Variants in PPM1B observed in about 807,000 individuals in gnomAD.
PPM1B encodes protein phosphatase 1B.
PPM1B carries 22 observed loss-of-function variants against 43.0 expected under a neutral mutation model. The ratio of observed to expected loss-of-function variants is 0.51; its 90% confidence interval spans 0.37 to 0.73. The LOEUF (loss-of-function observed/expected upper bound fraction) is 0.73, where lower values mean the gene tolerates loss of function less well. Ranked by LOEUF, PPM1B falls within the 30% of genes least tolerant of loss-of-function variation. The pLI is 0.00. For synonymous variants in PPM1B, 217 were observed against 197.9 expected (o/e 1.10, Z -0.81); for missense variants, 632 against 584.2 (o/e 1.08, Z -0.84).
At chr2:44,171,829 C>CAAAAA (rs58214419) in intron 1 of PPM1B, among the ~76,000 whole-genome samples, 2 of 118,776 alleles carry the variant, frequency 1.7e-5, no homozygotes, top group African/African-American at 6.9e-5. Flanking sequence ...GACTCTGTCT[C>CAAAAA]AAAAAAAAAA....
chr2:44,242,363 T>A lies in PPM1B; in HGVS notation n.1547-1865T>A, dbSNP rs1326106223. Among the ~76,000 whole-genome samples the A allele has an allele frequency of 5.3e-5, 8 of 152,184 alleles. No individual in the cohort carries two copies. In the East Asian group the frequency reaches 1.3e-3, roughly 26 times the overall value. ...AACTTTAGAACAGTGGTTACTTTTT[T>A]AAAGATATTGGGAAAAGGAGCTTTT... On this transcript the variant is annotated intron_variant and non_coding_transcript_variant, in intron 5 of 5. Transcript: ENST00000378540.
downstream of PPM1B, among the ~76,000 whole-genome samples, chr2:44,239,365 T>C (rs1469360228): frequency 6.6e-6 from 1 of 152,038 alleles, no homozygotes; most frequent in East Asian, 1.9e-4. Flanking sequence ...TTCTAATTGA[T>C]TTGTCTTTTT....
intron 5 of PPM1B, among the ~76,000 whole-genome samples, chr2:44,226,507 C>T (rs1223339991): frequency 1.3e-5 from 2 of 152,158 alleles, no homozygotes; most frequent in Non-Finnish European, 2.9e-5. Flanking sequence ...CAGTGATTCT[C>T]AACCCTGGCT....
chr2:44,205,630 A>G (rs138163834), intron 2 of PPM1B, among the ~76,000 whole-genome samples: 3,812 of 151,978 alleles, frequency 0.025, 64 homozygotes, highest in Non-Finnish European at 0.039. Flanking sequence ...CTTTTTTTGT[A>G]TTTTATAGAA....
chr2:44,216,597 G>C (rs1329827404), intron 3 of PPM1B, among the ~76,000 whole-genome samples: 1 of 152,182 alleles, frequency 6.6e-6, no homozygotes, highest in African/African-American at 2.4e-5. Flanking sequence ...AAGGATTTGA[G>C]AATGTGACAT....
At position 44,201,223 on chromosome 2, in the gene PPM1B, C is replaced by A; in HGVS notation, c.24C>A (p.Pro8=). 1 of 1,593,766 alleles carries A rather than the reference C, an allele frequency of 6.3e-7. No homozygotes were observed. The highest frequency in any genetic ancestry group is 1.7e-5 in the Admixed American group (1 of 57,818). ...ACATGGGTGCATTTTTGGATAAACC[C>A]AAAACTGAAAAACATAATGCTCATG... MGAFLDK[P]KTEKHNAHGA... Residue 8 remains proline, a synonymous_variant, in exon 2 of 6, where the codon CCC becomes CCA. Transcript: ENST00000282412. This position sits in a 1 kb window ranked among gnomAD's most constrained non-coding sequence, Gnocchi z 5.4.
intron 1 of PPM1B, among the ~76,000 whole-genome samples, chr2:44,173,902 C>T (rs1667465114): frequency 6.6e-6 from 1 of 152,194 alleles, no homozygotes; most frequent in African/African-American, 2.4e-5. Flanking sequence ...AAGATCACGC[C>T]ACTGCACTCC....
In PPM1B at chr2:44,211,836, G is replaced by C. The variant is rs142718098; in HGVS notation, c.964+2509G>C. On this transcript the variant is annotated intron_variant, in intron 3 of 5. Coordinates refer to ENST00000282412, the MANE Select transcript of PPM1B (RefSeq NM_002706.6). The stretch of plus-strand genomic sequence containing the variant: ...ATGATCTTGGCTTACCGCAGTCTCT[G>C]CCTCCGGGGTTCAAGTGATTCTCCT... Among the ~76,000 whole-genome samples the C allele has an allele frequency of 4.8e-3, 696 of 144,986 alleles. 4 individuals carry two copies. Among genetic ancestry groups the C allele is most frequent in the African/African-American group, 0.017 (657 of 39,130 alleles).
At chr2:44,246,868 G>T (rs913281886), downstream of PPM1B, among the ~76,000 whole-genome samples, 2 of 152,016 alleles carry the variant, frequency 1.3e-5, no homozygotes, top group East Asian at 3.9e-4. Flanking sequence ...TTATTTTTAG[G>T]TACCTCTGCC....
intron 1 of PPM1B, among the ~76,000 whole-genome samples, chr2:44,193,777 C>A (rs558782844): frequency 2.0e-5 from 3 of 152,082 alleles, no homozygotes; most frequent in Non-Finnish European, 4.4e-5. Flanking sequence ...TGGGGTTTTA[C>A]CGTGTTGGCC....
chr2:44,237,011 A>C (rs1670641150), downstream of PPM1B, among the ~76,000 whole-genome samples: 1 of 152,254 alleles, frequency 6.6e-6, no homozygotes, highest in African/African-American at 2.4e-5. Flanking sequence ...ATATATGTAA[A>C]ATAGTCAAAT....
chr2:44,224,455 C>CAAAA (rs75767532), intron 5 of PPM1B, among the ~76,000 whole-genome samples: 3 of 84,676 alleles, frequency 3.5e-5, no homozygotes, highest in Non-Finnish European at 6.9e-5. Context: ...ACTCCGTCTC[C>CAAAA]AAAAAAAAAA....
At chr2:44,238,752 A>T (rs922411365), downstream of PPM1B, among the ~76,000 whole-genome samples, 1 of 152,106 alleles carries the variant, frequency 6.6e-6, no homozygotes, top group African/African-American at 2.4e-5. Flanking sequence ...CTACATAAAC[A>T]TTCTTAAGTC....
intron 3 of PPM1B, among the ~76,000 whole-genome samples, chr2:44,211,976 C>T (rs1252559371): frequency 6.6e-6 from 1 of 152,120 alleles, no homozygotes; most frequent in African/African-American, 2.4e-5. Context: ...CTCGAACTTT[C>T]TGACCTCAGG....
intron 3 of PPM1B, among the ~76,000 whole-genome samples, chr2:44,216,990 TC>T (rs1669750596): frequency 6.6e-6 from 1 of 151,772 alleles, no homozygotes; most frequent in African/African-American, 2.4e-5. Flanking sequence ...TATGTGAAGA[TC>T]TAGAAGTAGA....
chr2:44,222,837 A>G (rs770129540), intron 5 of PPM1B, among the ~76,000 whole-genome samples: 3 of 152,042 alleles, frequency 2.0e-5, no homozygotes, highest in South Asian at 2.1e-4. Flanking sequence ...AAGATACTCT[A>G]TTTTATTGAT....
At chr2:44,196,230 C>A (rs745926447) in intron 1 of PPM1B, among the ~76,000 whole-genome samples, 14 of 152,078 alleles carry the variant, frequency 9.2e-5, no homozygotes, top group South Asian at 2.1e-4. Context: ...CTCCTTAGGC[C>A]CCTGTTGGCT....
intron 1 of PPM1B, among the ~76,000 whole-genome samples, chr2:44,182,294 T>A (rs1188687146): frequency 1.3e-5 from 2 of 152,192 alleles, no homozygotes; most frequent in Non-Finnish European, 2.9e-5. Flanking sequence ...AGTTTTGCTC[T>A]TGTTGCCCAG....
chr2:44,227,158 A>G (rs1670256367), intron 5 of PPM1B, among the ~76,000 whole-genome samples: 1 of 151,754 alleles, frequency 6.6e-6, no homozygotes, highest in Admixed American at 6.6e-5. Flanking sequence ...TTTGTTTTGT[A>G]GAGACGGGGT....
Sources: gnomAD v4.1 joint callset for allele counts (sites outside exome capture counted in the v4.1 genomes callset) on GRCh38, gnomAD v4.1.1 for gene constraint, Gnocchi (gnomAD v3.1) non-coding constraint, MANE v1.5 for transcripts, NCBI Gene and HGNC (gene_info 2026-07-23, HGNC 2026-07-21) for gene names.